Variants in HTR7 observed in about 807,000 individuals in gnomAD.
HTR7 encodes 5-HT-7.
HTR7 carries 16 observed loss-of-function variants against 34.0 expected under a neutral mutation model. The observed-to-expected ratio is 0.47, with a 90% CI of 0.32 to 0.71. The LOEUF (loss-of-function observed/expected upper bound fraction) is 0.71, where lower values mean the gene tolerates loss of function less well. Among genes scored for constraint, HTR7 ranks in the 30% least tolerant of loss-of-function variants. HTR7 has a pLI of 0.04. For missense variants in HTR7, 504 were observed against 625.5 expected, an observed-to-expected ratio of 0.81 and a Z score of 2.07; for synonymous variants, 265 against 260.2, an observed-to-expected ratio of 1.02 and a Z score of -0.18.
intron 1 of HTR7, among the ~76,000 whole-genome samples, chr10:90,799,358 AATG>A (rs1289824998): frequency 1.3e-5 from 2 of 152,030 alleles, no homozygotes; most frequent in African/African-American, 4.8e-5. Context: ...TGAATGAATG[AATG>A]AATGAATGAA....
At chr10:90,802,742 C>T (rs895942161) in intron 1 of HTR7, among the ~76,000 whole-genome samples, 2 of 152,206 alleles carry the variant, frequency 1.3e-5, no homozygotes, top group Non-Finnish European at 1.5e-5. Flanking sequence ...GGATTAACAA[C>T]GGAAGCTGCT....
At chr10:90,825,145 G>C (rs1333488918) in intron 1 of HTR7, among the ~76,000 whole-genome samples, 3 of 152,198 alleles carry the variant, frequency 2.0e-5, no homozygotes, top group African/African-American at 4.8e-5. Flanking sequence ...ATTTGTTTAG[G>C]AGAAAGTAAG....
chr10:90,742,361 C>G lies in HTR7; in HGVS notation c.*121G>C, dbSNP rs1844565549. 2 of 716,216 alleles carry G rather than the reference C, an allele frequency of 2.8e-6. No homozygotes were observed. Among genetic ancestry groups the G allele is most frequent in the African/African-American group, 3.5e-5 (2 of 56,448 alleles). 44.4% of individuals were successfully genotyped at this position (716,216 alleles called of 1,614,324 possible). ...GTGTACAACAGATCACCCTGTTTGT[C>G]ATGTTTTAGACATCCCAAGAAAGGA... On this transcript the variant is annotated 3_prime_UTR_variant, in exon 4 of 4. Coordinates refer to ENST00000336152, the MANE Select transcript of HTR7 (RefSeq NM_019859.4).
At chr10:90,832,630 C>T (rs1229558925) in intron 1 of HTR7, among the ~76,000 whole-genome samples, 1 of 152,200 alleles carries the variant, frequency 6.6e-6, no homozygotes, top group Non-Finnish European at 1.5e-5. Flanking sequence ...TCCCACAGTG[C>T]AGCAGTGGGC....
At chr10:90,762,488 T>C (rs12255907) in intron 1 of HTR7, among the ~76,000 whole-genome samples, 1,943 of 152,246 alleles carry the variant, frequency 0.013, 40 homozygotes, top group African/African-American at 0.044. Flanking sequence ...ATTATATGGG[T>C]TTTTGTTGTT....
intron 1 of HTR7, among the ~76,000 whole-genome samples, chr10:90,799,796 G>GT (rs1175544499): frequency 6.6e-6 from 1 of 152,076 alleles, no homozygotes; most frequent in Non-Finnish European, 1.5e-5. Context: ...GTTAAACATT[G>GT]TATTATCCCT....
At chr10:90,750,024 C>A (rs565842713) in intron 1 of HTR7, among the ~76,000 whole-genome samples, 1 of 152,324 alleles carries the variant, frequency 6.6e-6, no homozygotes, top group East Asian at 1.9e-4. Context: ...CCAGTGATCA[C>A]CCCAGCTGTC....
chr10:90,857,838 G>C lies in HTR7; in HGVS notation c.-167C>G, dbSNP rs1332405162. 6 of 598,154 alleles carry C rather than the reference G, an allele frequency of 1.0e-5. No homozygotes were observed. Among genetic ancestry groups the C allele is most frequent in the African/African-American group, 1.9e-5 (1 of 51,340 alleles). 37.1% of individuals were successfully genotyped at this position (598,154 alleles called of 1,614,324 possible). On this transcript the variant is annotated 5_prime_UTR_variant, in exon 1 of 4. Transcript: ENST00000336152. This position sits in a 1 kb window ranked among gnomAD's most constrained non-coding sequence, Gnocchi z 6.5. ...TCTGTCTCGGAGCCCCGCACTCCCC[G>C]GACCCCCGGCCGCTGCGGGTAACGC...
intron 1 of HTR7, among the ~76,000 whole-genome samples, chr10:90,803,530 A>T (rs1264181429): frequency 6.6e-6 from 1 of 152,156 alleles, no homozygotes; most frequent in East Asian, 1.9e-4. Flanking sequence ...CACTCCTGAG[A>T]TCTTATCAGG....
intron 1 of HTR7, among the ~76,000 whole-genome samples, chr10:90,826,341 A>C (rs1846073212): frequency 1.3e-5 from 2 of 152,242 alleles, no homozygotes; most frequent in South Asian, 4.1e-4. Flanking sequence ...CTGTCCTACA[A>C]GTAAACGGAA....
intron 1 of HTR7, among the ~76,000 whole-genome samples, chr10:90,816,245 G>A (rs1490747573): frequency 1.3e-5 from 2 of 152,182 alleles, no homozygotes; most frequent in Non-Finnish European, 2.9e-5. Flanking sequence ...TGTCCTGCTT[G>A]GAAGGCTGCT....
At chr10:90,752,941 A>G (rs1296968074) in intron 1 of HTR7, among the ~76,000 whole-genome samples, 1 of 152,224 alleles carries the variant, frequency 6.6e-6, no homozygotes, top group Non-Finnish European at 1.5e-5. Flanking sequence ...ATTCTTAACT[A>G]TAATACAAAA....
chr10:90,819,633 C>T (rs1053652274), intron 1 of HTR7, among the ~76,000 whole-genome samples: 11 of 152,088 alleles, frequency 7.2e-5, no homozygotes, highest in African/African-American at 2.7e-4. Flanking sequence ...TCTAATTGTC[C>T]TCTTGGTTTC....
intron 1 of HTR7, among the ~76,000 whole-genome samples, chr10:90,786,314 G>A (rs77343840): frequency 0.017 from 2,602 of 152,244 alleles, 86 homozygotes; most frequent in African/African-American, 0.058. Flanking sequence ...AAATGCTGTG[G>A]TTCTCCCCTG....
At chr10:90,757,994 C>A (rs1844862222) in intron 1 of HTR7, among the ~76,000 whole-genome samples, 1 of 151,986 alleles carries the variant, frequency 6.6e-6, no homozygotes, top group East Asian at 1.9e-4. Flanking sequence ...TAAATTGAGG[C>A]CAGAACATCA....
chr10:90,850,085 G>A (rs934258102), intron 1 of HTR7, among the ~76,000 whole-genome samples: 2 of 152,250 alleles, frequency 1.3e-5, no homozygotes, highest in Non-Finnish European at 2.9e-5. Context: ...GTCTCTTGGA[G>A]ATAGAGAGGC....
chr10:90,823,393 TCA>T (rs1296701414), intron 1 of HTR7, among the ~76,000 whole-genome samples: 1 of 152,248 alleles, frequency 6.6e-6, no homozygotes, highest in Non-Finnish European at 1.5e-5. Context: ...CTGCTGGGTT[TCA>T]GACTTGCATA....
intron 1 of HTR7, among the ~76,000 whole-genome samples, chr10:90,842,459 T>C (rs1469185737): frequency 6.6e-6 from 1 of 152,114 alleles, no homozygotes; most frequent in Admixed American, 6.5e-5. Context: ...CTGATACCAC[T>C]CCTTTCTTGC....
intron 1 of HTR7, among the ~76,000 whole-genome samples, chr10:90,808,156 C>T (rs945811494): frequency 6.6e-6 from 1 of 152,218 alleles, no homozygotes; most frequent in Admixed American, 6.5e-5. Context: ...GCAGGGACGC[C>T]TGCCTTGGTC....
Sources: allele counts gnomAD v4.1 joint callset (sites outside exome capture counted in the v4.1 genomes callset), GRCh38; gene constraint gnomAD v4.1.1; non-coding constraint Gnocchi (gnomAD v3.1); transcripts MANE v1.5; gene names NCBI Gene and HGNC (gene_info 2026-07-23, HGNC 2026-07-21).